The following PRRC2B variants were observed in gnomAD, a reference collection of about 807,000 sequenced individuals.
PRRC2B encodes the protein proline rich coiled-coil 2B.
In PRRC2B, 68 loss-of-function variants were observed where a neutral mutation model predicts 242.3. That is an observed-to-expected ratio of 0.28 (90% CI 0.23 to 0.34). The LOEUF (loss-of-function observed/expected upper bound fraction) is 0.34. Ranked by LOEUF, PRRC2B falls within the 10% of genes least tolerant of loss-of-function variation. PRRC2B has a pLI of 1.00. For synonymous variants in PRRC2B, 1,228 were observed against 1,173.6 expected, an observed-to-expected ratio of 1.05 and a Z score of -0.95; for missense variants, 2,835 against 2,954.8, an observed-to-expected ratio of 0.96 and a Z score of 0.94.
At chr9:131,409,681 C>T (rs1031849021) in intron 1 of PRRC2B, among the ~76,000 whole-genome samples, 1 of 152,154 alleles carries the variant, frequency 6.6e-6, no homozygotes, top group Admixed American at 6.5e-5. Context: ...AAGAGCTGCT[C>T]CAGGCTTCGT....
rs905964985 is a variant in PRRC2B, at chr9:131,475,584, G to T, written c.3455G>T (p.Gly1152Val). Residue 1152 changes from glycine (G) to valine (V), a missense_variant, in exon 16 of 32, where the codon GGC becomes GTC. Physicochemically the swap from Gly to Val is moderately radical, Grantham distance 109 (BLOSUM62 -3). Coordinates refer to ENST00000683519, the MANE Select transcript of PRRC2B (RefSeq NM_013318.4). ...EELPKRRRQR[G>V]SENGNEGSLL... ...CTTCCCAAGCGCCGCCGGCAGAGGG[G>T]CTCCGAGAACGGGAATGAAGGCTCG... 3.7e-6 allele frequency: 6 copies of T among 1,612,858 alleles called. No individual in the cohort carries two copies. The highest frequency in any genetic ancestry group is 5.1e-6 in the Non-Finnish European group (6 of 1,179,810).
At chr9:131,488,125 C>T in intron 28 of PRRC2B, 29 bp downstream of exon 28, 1 of 1,596,266 alleles carries the variant, frequency 6.3e-7, no homozygotes, top group Non-Finnish European at 8.6e-7. Context: ...CTACCCAAAG[C>T]CCTAGGCTTC....
chr9:131,431,516 C>T (rs185390862), intron 2 of PRRC2B, among the ~76,000 whole-genome samples: 49 of 152,112 alleles, frequency 3.2e-4, no homozygotes, highest in Admixed American at 1.4e-3. Flanking sequence ...CCACCCACCT[C>T]GGCCTCCCAG....
intron 1 of PRRC2B, among the ~76,000 whole-genome samples, chr9:131,386,101 G>C (rs1836823247): frequency 6.7e-6 from 1 of 148,364 alleles, no homozygotes; most frequent in Non-Finnish European, 1.5e-5. Flanking sequence ...CGGGGCAAGT[G>C]AAGGATCTCT....
intron 14 of PRRC2B, among the ~76,000 whole-genome samples, chr9:131,473,127 G>T (rs1943590231): frequency 6.6e-6 from 1 of 152,152 alleles, no homozygotes; most frequent in Admixed American, 6.5e-5. Flanking sequence ...AAGCGCATGT[G>T]TCTATCTAAT....
At chr9:131,490,565 T>C (rs748658561) in intron 28 of PRRC2B, 3 of 519,130 alleles carry the variant, frequency 5.8e-6, no homozygotes, top group Middle Eastern at 3.2e-4. Context: ...GGACAGTGAC[T>C]GAGAGACCAA....
chr9:131,454,825 G>A (rs1246283803), intron 9 of PRRC2B, among the ~76,000 whole-genome samples: 4 of 152,026 alleles, frequency 2.6e-5, no homozygotes, highest in East Asian at 1.9e-4. Context: ...TAGTAGAGAC[G>A]GGGTTTCACC....
chr9:131,468,026 G>A (rs1018185039), intron 13 of PRRC2B, among the ~76,000 whole-genome samples: 4 of 152,190 alleles, frequency 2.6e-5, no homozygotes, highest in Non-Finnish European at 5.9e-5. Flanking sequence ...TTCTAATATT[G>A]TTAAGGAACC....
At chr9:131,414,355 A>T (rs1837584296) in intron 1 of PRRC2B, among the ~76,000 whole-genome samples, 2 of 90,500 alleles carry the variant, frequency 2.2e-5, no homozygotes, top group South Asian at 1.0e-3. Flanking sequence ...AATCGGACAC[A>T]GAAAGCAGTA....
chr9:131,436,635 C>T lies in PRRC2B; in HGVS notation c.309C>T (p.Ala103=), dbSNP rs1838383061. 1 of 1,613,856 alleles carries T rather than the reference C, an allele frequency of 6.2e-7. No homozygotes were observed. The change falls in exon 4 of 32, where the codon GCC becomes GCT. Residue 103 remains alanine (A), a synonymous_variant. Transcript: ENST00000683519. ...QQDPKSSSAT[A]SQPPESLPQP... Reference sequence around the variant, plus strand: ...CTTTGTCTAGTTCCAGTGCGACGGCCTCTCAGCCGCCGGAGTCGCTGCCGC... The same window carrying T: ...CTTTGTCTAGTTCCAGTGCGACGGCTTCTCAGCCGCCGGAGTCGCTGCCGC...
intron 1 of PRRC2B, among the ~76,000 whole-genome samples, chr9:131,421,538 T>A (rs1260529581): frequency 6.6e-6 from 1 of 152,254 alleles, no homozygotes; most frequent in Non-Finnish European, 1.5e-5. Flanking sequence ...ATGTTTTGTC[T>A]AGCAGTGGGA....
At chr9:131,495,711 CTT>C (rs878942164) in intron 31 of PRRC2B, 27 bp from the exon 32 acceptor site, 23 of 1,589,808 alleles carry the variant, frequency 1.4e-5, no homozygotes, top group Non-Finnish European at 1.7e-5. Context: ...GTCAGGGTCA[CTT>C]TGTTTTTCCC....
chr9:131,430,505 A>ATAGATAGATAGATATC (rs1838108199), intron 2 of PRRC2B, among the ~76,000 whole-genome samples: 1 of 53,488 alleles, frequency 1.9e-5, no homozygotes, highest in Non-Finnish European at 4.5e-5. Flanking sequence ...ATATCTATAG[A>ATAGATAGATAGATATC]TATCTATAGA....
At chr9:131,452,258 C>T (rs1213159087) in intron 9 of PRRC2B, among the ~76,000 whole-genome samples, 1 of 152,204 alleles carries the variant, frequency 6.6e-6, no homozygotes, top group Non-Finnish European at 1.5e-5. Context: ...TCAAGTGATC[C>T]TCCTGCCTCA....
chr9:131,473,440 G>T, intron 14 of PRRC2B, 68 bp from the exon 15 acceptor site: 1 of 1,250,794 alleles, frequency 8.0e-7, no homozygotes. Flanking sequence ...TTGGGCCTTT[G>T]GTTGACCCTG....
chr9:131,444,191 G>A lies in PRRC2B; in HGVS notation c.476G>A (p.Arg159Lys). 1 of 1,614,008 alleles carries A rather than the reference G, an allele frequency of 6.2e-7. No homozygotes were observed. The highest frequency in any genetic ancestry group is 8.5e-7 in the Non-Finnish European group (1 of 1,179,890). ...GKPVGHEGGL[R>K]GSSRLLSFSP... Reference sequence around the variant, plus strand: ...TACCCCGTCTTCTTGACAGGTTTAAGGGGCTCAAGCCGACTGTTATCCTTC... The same window carrying A: ...TACCCCGTCTTCTTGACAGGTTTAAAGGGCTCAAGCCGACTGTTATCCTTC... The change falls in exon 6 of 32, where the codon AGG (arginine) becomes AAG (lysine). Residue 159 changes from arginine (R) to lysine (K), a missense_variant. Physicochemically the swap from Arg to Lys is conservative, Grantham distance 26 (BLOSUM62 2). This residue lies in a region of PRRC2B where 626 missense variants were observed against 685.5 expected (regional missense o/e 0.91). Coordinates refer to ENST00000683519, the MANE Select transcript of PRRC2B (RefSeq NM_013318.4).
chr9:131,410,701 G>A (rs1262172500), intron 1 of PRRC2B, among the ~76,000 whole-genome samples: 1 of 152,140 alleles, frequency 6.6e-6, no homozygotes, highest in African/African-American at 2.4e-5. Flanking sequence ...TTCGTTCAAG[G>A]AACTAATTTT....
chr9:131,449,878 C>G (rs946090906), intron 9 of PRRC2B, among the ~76,000 whole-genome samples: 4 of 152,092 alleles, frequency 2.6e-5, no homozygotes, highest in Non-Finnish European at 5.9e-5. Flanking sequence ...GTCTTTGATC[C>G]ACATTGGATT....
intron 3 of PRRC2B, among the ~76,000 whole-genome samples, chr9:131,434,601 G>A (rs533692206): frequency 2.0e-5 from 3 of 152,354 alleles, no homozygotes; most frequent in East Asian, 1.9e-4. Context: ...GTAAGAACCC[G>A]ATCAGTAGCC....
Sources: gnomAD v4.1 joint callset for allele counts (sites outside exome capture counted in the v4.1 genomes callset) on GRCh38, gnomAD v4.1.1 for gene constraint, gnomAD v4.1.1 regional missense constraint, MANE v1.5 for transcripts, NCBI Gene and HGNC (gene_info 2026-07-23, HGNC 2026-07-21) for gene names.